Variants in RELN observed in about 807,000 individuals in gnomAD.
The protein encoded by RELN is reelin.
A neutral mutation model predicts 427.6 loss-of-function variants in RELN; 108 were observed. The ratio of observed to expected loss-of-function variants is 0.25; its 90% CI spans 0.22 to 0.30. RELN has a LOEUF of 0.30. RELN is among the 10% of genes least tolerant of loss of function. The pLI is 1.00. For synonymous variants in RELN, 1,524 were observed against 1,513.4 expected (o/e 1.01, Z -0.16); for missense variants, 3,715 against 4,302.8 (o/e 0.86, Z 3.82).
intron 8 of RELN, among the ~76,000 whole-genome samples, chr7:103,704,911 A>G (rs1218366529): frequency 6.6e-6 from 1 of 152,136 alleles, no homozygotes; most frequent in Non-Finnish European, 1.5e-5. Flanking sequence ...CATGTTGCCA[A>G]ATCAACAGAT....
chr7:103,827,309 T>C (rs1372345412), intron 3 of RELN, among the ~76,000 whole-genome samples: 1 of 151,918 alleles, frequency 6.6e-6, no homozygotes, highest in Non-Finnish European at 1.5e-5. Context: ...GTGCTGTTTA[T>C]ACCATGACTT....
chr7:103,847,237 C>T (rs543296407), intron 2 of RELN, among the ~76,000 whole-genome samples: 23 of 152,212 alleles, frequency 1.5e-4, no homozygotes, highest in African/African-American at 5.5e-4. Flanking sequence ...ACTATGCAGC[C>T]ATAAAAGGAT....
chr7:103,676,464 C>T (rs1289827508), intron 11 of RELN, among the ~76,000 whole-genome samples: 29 of 152,262 alleles, frequency 1.9e-4, no homozygotes, highest in Non-Finnish European at 2.9e-4. Context: ...AGTTCAACCA[C>T]TGTGGAAGAC....
At chr7:103,473,047 C>T (rs1330102021) in intron 64 of RELN, 139 bp from the exon 65 acceptor site, 1 of 779,322 alleles carries the variant, frequency 1.3e-6, no homozygotes, top group Admixed American at 1.8e-5. Context: ...ATAGGTCATG[C>T]TCACATTACC....
intron 3 of RELN, among the ~76,000 whole-genome samples, chr7:103,830,652 C>A (rs968806727): frequency 1.3e-5 from 2 of 151,720 alleles, no homozygotes; most frequent in African/African-American, 4.8e-5. Flanking sequence ...ATAAATATTA[C>A]CGTAAAGAAT....
intron 38 of RELN, among the ~76,000 whole-genome samples, chr7:103,554,837 A>T (rs2535768): frequency 0.088 from 13,448 of 152,126 alleles, 1,914 homozygotes; most frequent in African/African-American, 0.3. Flanking sequence ...AGAGCCGAGG[A>T]ACACTAATCA....
At chr7:103,808,105 G>T (rs948012738) in intron 3 of RELN, among the ~76,000 whole-genome samples, 1 of 152,126 alleles carries the variant, frequency 6.6e-6, no homozygotes, top group Non-Finnish European at 1.5e-5. Context: ...CTGTTTAAAA[G>T]ATTCTGGCCT....
intron 20 of RELN, among the ~76,000 whole-genome samples, chr7:103,625,110 T>C (rs1213878291): frequency 6.6e-6 from 1 of 152,220 alleles, no homozygotes; most frequent in Non-Finnish European, 1.5e-5. Flanking sequence ...TCTACCTTTT[T>C]ATTGCAAATG....
chr7:103,682,186 T>C lies in RELN; in HGVS notation c.1219A>G (p.Arg407Gly). The change falls in exon 11 of 65, where the codon AGG (arginine) becomes GGG (glycine). Residue 407 changes from arginine (R) to glycine (G), a missense_variant. Transcript: ENST00000428762. ...TCTTCTGTGGAAAGATCTACATCCC[T>C]GGTGGTGGCAAAATTGAACTCGCTG... is the stretch of plus-strand genomic sequence containing the variant. ...EGSEFNFATT[R>G]DVDLSTEDIQ... is the part of the protein sequence containing the mutation. The C allele has an allele frequency of 6.2e-7, 1 of 1,614,008 alleles. No homozygotes were observed. Among genetic ancestry groups the C allele is most frequent in the Non-Finnish European group, 8.5e-7 (1 of 1,179,918 alleles).
chr7:103,926,912 TG>T (rs1302556756), intron 1 of RELN, among the ~76,000 whole-genome samples: 7 of 152,156 alleles, frequency 4.6e-5, no homozygotes. Context: ...CCCAAAGTGC[TG>T]GGATTACAGG....
At chr7:103,733,325 C>T in intron 6 of RELN, among the ~76,000 whole-genome samples, 1 of 149,368 alleles carries the variant, frequency 6.7e-6, no homozygotes, top group East Asian at 2.0e-4. Flanking sequence ...AATAGGAACA[C>T]TTTTACACTG....
At chr7:103,754,935 C>T (rs1372431420) in intron 4 of RELN, among the ~76,000 whole-genome samples, 3 of 151,994 alleles carry the variant, frequency 2.0e-5, no homozygotes, top group African/African-American at 4.8e-5. Flanking sequence ...GAAGGAGAGG[C>T]CAAAATAATC....
At chr7:103,684,051 T>A (rs1007959665) in intron 10 of RELN, among the ~76,000 whole-genome samples, 2 of 152,152 alleles carry the variant, frequency 1.3e-5, no homozygotes, top group Admixed American at 6.5e-5. Flanking sequence ...TATGAGCCCA[T>A]AGTATACTGG....
rs181193048 is a variant in RELN at position 103,626,357 on chromosome 7, T to C, written c.2702+3583A>G. 6.6e-6 allele frequency among the ~76,000 whole-genome samples: 1 copy of C among 152,210 alleles called. No individual in the cohort carries two copies. Among genetic ancestry groups the C allele is most frequent in the Admixed American group, 6.5e-5 (1 of 15,288 alleles). Reference sequence around the variant, plus strand: ...CTATTCTCTCTCAATTGTACACTTATATATTTATTTAGAGACAGAGTCTTG... The same window carrying C: ...CTATTCTCTCTCAATTGTACACTTACATATTTATTTAGAGACAGAGTCTTG... On this transcript the variant is annotated intron_variant, in intron 20 of 64. Coordinates refer to ENST00000428762, the MANE Select transcript of RELN (RefSeq NM_005045.4). This position sits in a 1 kb window ranked among gnomAD's most constrained non-coding sequence, Gnocchi z 4.4.
At chr7:103,576,898 T>C (rs145421487) in intron 28 of RELN, among the ~76,000 whole-genome samples, 52 of 152,262 alleles carry the variant, frequency 3.4e-4, no homozygotes, top group African/African-American at 1.2e-3. Flanking sequence ...CCAATTGCTT[T>C]CCAATTTTTA....
chr7:103,919,561 A>G lies in RELN; in HGVS notation c.227-2376T>C, dbSNP rs372946306. On this transcript the variant is annotated intron_variant, in intron 1 of 64. Coordinates refer to ENST00000428762, the MANE Select transcript of RELN (RefSeq NM_005045.4). ...GGCCCCTGCAGTTTTTGGTTTTCAC[A>G]TGGGGCCCTCTCCCCCAACCTAAAA... Among the ~76,000 whole-genome samples the G allele has an allele frequency of 3.9e-5, 6 of 152,184 alleles. No individual in the cohort carries two copies. In the South Asian group the frequency reaches 6.2e-4, roughly 16 times the overall value.
In RELN at chr7:103,497,816, A is replaced by G; in HGVS notation, c.8950+4T>C. On this transcript the variant is annotated splice_donor_region_variant and intron_variant, in intron 55 of 64. Coordinates refer to ENST00000428762, the MANE Select transcript of RELN (RefSeq NM_005045.4). ...AAGGGGTGGTTTTCACCCCTGACAC[A>G]TGCCTCCATCGGTAGAGTAGTCCAA... The G allele has an allele frequency of 1.2e-6, 2 of 1,613,518 alleles. No individual in the cohort carries two copies. Among genetic ancestry groups the G allele is most frequent in the Non-Finnish European group, 1.7e-6 (2 of 1,179,454 alleles).
intron 2 of RELN, among the ~76,000 whole-genome samples, chr7:103,915,825 G>A (rs1015735053): frequency 6.6e-6 from 1 of 152,122 alleles, no homozygotes; most frequent in African/African-American, 2.4e-5. Flanking sequence ...TATGAATCCT[G>A]CTGTAACAAA....
At position 103,850,067 on chromosome 7, in the gene RELN, C is replaced by T. The variant is rs557938269; in HGVS notation, c.338-16395G>A. 2.2e-3 allele frequency among the ~76,000 whole-genome samples: 331 copies of T among 152,286 alleles called. 3 individuals are homozygous for T. The highest frequency in any genetic ancestry group is 7.7e-3 in the African/African-American group (319 of 41,566). On this transcript the variant is annotated intron_variant, in intron 2 of 64. Transcript: ENST00000428762. ...GTTCTATCATTGAACATACCAATTG[C>T]ATTACAGAGGGTTTTATCTTCCCAA...
Sources: gnomAD v4.1 joint callset for allele counts (sites outside exome capture counted in the v4.1 genomes callset) on GRCh38, gnomAD v4.1.1 for gene constraint, Gnocchi (gnomAD v3.1) non-coding constraint, MANE v1.5 for transcripts, NCBI Gene and HGNC (gene_info 2026-07-23, HGNC 2026-07-21) for gene names.